GLRA1: variants seen among roughly 807,000 people sequenced by gnomAD.
GLRA1 encodes the protein glycine receptor subunit alpha-1.
A neutral mutation model predicts 48.3 loss-of-function variants in GLRA1; 37 were observed. The observed-to-expected ratio is 0.77, with a 90% CI of 0.59 to 1.01. The LOEUF is 1.01. GLRA1 is among the 50% of genes least tolerant of loss of function. The probability of loss-of-function intolerance (pLI) is 0.00; values close to 1 mark genes in which losing one functional copy is unlikely to be tolerated. For synonymous variants in GLRA1, 196 were observed against 210.7 expected, an observed-to-expected ratio of 0.93 and a Z score of 0.60; for missense variants, 427 against 571.0, an observed-to-expected ratio of 0.75 and a Z score of 2.57.
intron 7 of GLRA1, among the ~76,000 whole-genome samples, chr5:151,841,215 A>C (rs1241895876): frequency 6.6e-6 from 1 of 152,140 alleles, no homozygotes; most frequent in Non-Finnish European, 1.5e-5. Context: ...ATCAATAACC[A>C]AAAGAAAGTT....
chr5:151,863,426 CAAAT>C (rs1753254044), intron 3 of GLRA1, among the ~76,000 whole-genome samples: 2 of 152,054 alleles, frequency 1.3e-5, no homozygotes, highest in Admixed American at 6.6e-5. Context: ...CTGTCACAAA[CAAAT>C]AAACAAAACA....
chr5:151,823,923 C>T (rs1763209285), intron 8 of GLRA1, among the ~76,000 whole-genome samples: 1 of 152,124 alleles, frequency 6.6e-6, no homozygotes, highest in East Asian at 1.9e-4. Context: ...GTTATCGTTG[C>T]ATGTGAGCTC....
intron 7 of GLRA1, chr5:151,850,456 T>C: frequency 9.2e-7 from 1 of 1,084,008 alleles, no homozygotes; most frequent in Non-Finnish European, 1.4e-6. Context: ...ACCAAGGCCA[T>C]GTGGGAGGAG....
intron 3 of GLRA1, among the ~76,000 whole-genome samples, chr5:151,880,166 T>C (rs1208033613): frequency 2.0e-5 from 3 of 152,246 alleles, no homozygotes; most frequent in Non-Finnish European, 4.4e-5. Context: ...ATGTCTTTAT[T>C]AGCAGTGTGA....
intron 3 of GLRA1, among the ~76,000 whole-genome samples, chr5:151,881,020 C>T (rs1194491055): frequency 1.3e-5 from 2 of 152,192 alleles, no homozygotes; most frequent in Non-Finnish European, 2.9e-5. Flanking sequence ...TACTTATATC[C>T]ATACCTATAG....
At chr5:151,871,564 T>G (rs1213106986) in intron 3 of GLRA1, among the ~76,000 whole-genome samples, 3 of 148,846 alleles carry the variant, frequency 2.0e-5, no homozygotes, top group East Asian at 3.9e-4. Flanking sequence ...GGCTTTTTTT[T>G]TTTTCTTTTT....
At chr5:151,911,605 T>TG (rs1204646391) in intron 1 of GLRA1, among the ~76,000 whole-genome samples, 5 of 144,590 alleles carry the variant, frequency 3.5e-5, no homozygotes, top group Non-Finnish European at 7.6e-5. Flanking sequence ...CTAGAGTTTT[T>TG]TTTTTTTTTT....
At chr5:151,901,899 A>C (rs549534299) in intron 1 of GLRA1, among the ~76,000 whole-genome samples, 5 of 152,310 alleles carry the variant, frequency 3.3e-5, no homozygotes, top group African/African-American at 1.2e-4. Context: ...ACCTGAGGTT[A>C]TGCAGTTTGT....
At chr5:151,846,715 G>A (rs1752680801) in intron 7 of GLRA1, among the ~76,000 whole-genome samples, 1 of 152,166 alleles carries the variant, frequency 6.6e-6, no homozygotes, top group African/African-American at 2.4e-5. Flanking sequence ...ACAAAATAGA[G>A]CAACTGTGTG....
At chr5:151,885,873 A>AG (rs1292582086) in intron 3 of GLRA1, among the ~76,000 whole-genome samples, 2 of 152,182 alleles carry the variant, frequency 1.3e-5, no homozygotes, top group African/African-American at 4.8e-5. Flanking sequence ...GTAGACTGGA[A>AG]GGGGGCAAGT....
At chr5:151,891,293 G>C (rs1439701238) in intron 2 of GLRA1, among the ~76,000 whole-genome samples, 3 of 152,206 alleles carry the variant, frequency 2.0e-5, no homozygotes, top group African/African-American at 7.2e-5. Flanking sequence ...AGTAAACAAA[G>C]GGAACTAGTC....
chr5:151,849,452 T>TTTCCTTTCCTTTCTTTCC (rs1561555110), intron 7 of GLRA1, among the ~76,000 whole-genome samples: 2 of 15,654 alleles, frequency 1.3e-4, no homozygotes, highest in Non-Finnish European at 2.3e-4. Context: ...TTTCCTTTCC[T>TTTCCTTTCCTTTCTTTCC]TTCCTTCCTT....
chr5:151,871,830 C>T (rs1753494365), intron 3 of GLRA1, among the ~76,000 whole-genome samples: 1 of 149,704 alleles, frequency 6.7e-6, no homozygotes, highest in African/African-American at 2.6e-5. Flanking sequence ...TCCCAAAGTG[C>T]CGGGATTACA....
At chr5:151,833,796 C>CAAAAA (rs757336792) in intron 7 of GLRA1, among the ~76,000 whole-genome samples, 1,558 of 64,658 alleles carry the variant, frequency 0.024, 92 homozygotes, top group African/African-American at 0.061. Flanking sequence ...AAGTGGAAAG[C>CAAAAA]AAAAAAAAAA....
chr5:151,850,766 G>T, intron 7 of GLRA1: 2 of 1,005,438 alleles, frequency 2.0e-6, no homozygotes, highest in Admixed American at 1.7e-5. Flanking sequence ...AATGAAACCG[G>T]CAATGAGCCC....
chr5:151,899,859 C>T (rs1161642668), intron 1 of GLRA1, among the ~76,000 whole-genome samples: 1 of 152,152 alleles, frequency 6.6e-6, no homozygotes, highest in Non-Finnish European at 1.5e-5. Context: ...CCTCCCCCTT[C>T]CTGTCCTACC....
At chr5:151,910,408 C>G (rs74481074) in intron 1 of GLRA1, among the ~76,000 whole-genome samples, 8 of 152,130 alleles carry the variant, frequency 5.3e-5, no homozygotes, top group African/African-American at 1.7e-4. Flanking sequence ...TCTCAAGAGA[C>G]AATAACAACT....
rs539909265 is a variant in GLRA1, at chr5:151,876,874, G to C, written c.252+9847C>G. On this transcript the variant is annotated intron_variant, in intron 3 of 8. Transcript: ENST00000274576. ...GATAAAGGTTAAATGAGGTCATGAG[G>C]GTGGGGCCCTAATTCAGTAGGATTT... Among the ~76,000 whole-genome samples the C allele has an allele frequency of 2.0e-5, 3 of 152,192 alleles. No individual in the cohort carries two copies. The East Asian group carries it at 5.8e-4, about 29-fold the overall frequency.
intron 7 of GLRA1, among the ~76,000 whole-genome samples, chr5:151,844,926 G>C (rs1053970223): frequency 6.6e-6 from 1 of 152,174 alleles, no homozygotes; most frequent in Non-Finnish European, 1.5e-5. Context: ...ATGGTAGAAA[G>C]TGAAGGGAAG....
Sources: gnomAD v4.1 joint callset for allele counts (sites outside exome capture counted in the v4.1 genomes callset) on GRCh38, gnomAD v4.1.1 for gene constraint, MANE v1.5 for transcripts, NCBI Gene and HGNC (gene_info 2026-07-23, HGNC 2026-07-21) for gene names.